PEX5L: variants seen among roughly 807,000 people sequenced by gnomAD.
The protein encoded by PEX5L is peroxisomal biogenesis factor 5 like.
Under a neutral mutation model 84.0 loss-of-function variants are expected in PEX5L, and 30 were observed. The observed-to-expected ratio is 0.36, with a 90% CI of 0.27 to 0.48. The LOEUF is 0.48. Ranked by LOEUF, PEX5L falls within the 20% of genes least tolerant of loss-of-function variation. The pLI is 0.99. For missense variants in PEX5L, 533 were observed against 754.6 expected, an observed-to-expected ratio of 0.71 and a Z score of 3.44; for synonymous variants, 270 against 283.1, an observed-to-expected ratio of 0.95 and a Z score of 0.46.
chr3:179,959,316 A>G (rs7641713), intron 2 of PEX5L, among the ~76,000 whole-genome samples: 3,467 of 152,216 alleles, frequency 0.023, 129 homozygotes, highest in African/African-American at 0.076. Context: ...GAAATAACGC[A>G]CATCTTAGTT....
chr3:179,890,026 T>C (rs1463238191), intron 3 of PEX5L, among the ~76,000 whole-genome samples: 2 of 152,220 alleles, frequency 1.3e-5, no homozygotes, highest in African/African-American at 4.8e-5. Flanking sequence ...AGAATCTGTA[T>C]CTCATTTGTA....
chr3:179,983,178 T>C (rs1786495668), intron 1 of PEX5L, among the ~76,000 whole-genome samples: 1 of 151,980 alleles, frequency 6.6e-6, no homozygotes, highest in Admixed American at 6.6e-5. Context: ...AGTATACCAA[T>C]ATATACATAT....
chr3:179,853,624 G>A (rs976097059), intron 8 of PEX5L, among the ~76,000 whole-genome samples: 8 of 152,282 alleles, frequency 5.3e-5, no homozygotes, highest in African/African-American at 1.9e-4. Context: ...AATCCAGGGG[G>A]AAGCATAGAG....
At chr3:179,945,114 G>T (rs1161261491) in intron 2 of PEX5L, among the ~76,000 whole-genome samples, 1 of 152,128 alleles carries the variant, frequency 6.6e-6, no homozygotes, top group Non-Finnish European at 1.5e-5. Flanking sequence ...TTTGCAATTG[G>T]TTCCCTTGTT....
intron 2 of PEX5L, among the ~76,000 whole-genome samples, chr3:179,952,535 C>A (rs181072770): frequency 2.0e-5 from 3 of 152,092 alleles, no homozygotes; most frequent in Non-Finnish European, 4.4e-5. Context: ...CAGCATACAT[C>A]GTATCTATTC....
intron 2 of PEX5L, among the ~76,000 whole-genome samples, chr3:179,913,061 G>C (rs1765726653): frequency 6.6e-6 from 1 of 152,060 alleles, no homozygotes; most frequent in African/African-American, 2.4e-5. Context: ...AGTAAGAAAA[G>C]GTGTTTTGTT....
At chr3:179,918,185 G>T (rs995869723) in intron 2 of PEX5L, among the ~76,000 whole-genome samples, 1 of 152,170 alleles carries the variant, frequency 6.6e-6, no homozygotes, top group African/African-American at 2.4e-5. Context: ...TAGAAGCCAA[G>T]TTTGTGCATT....
chr3:180,007,990 T>C (rs563890981), intron 1 of PEX5L, among the ~76,000 whole-genome samples: 2 of 152,370 alleles, frequency 1.3e-5, no homozygotes, highest in South Asian at 4.1e-4. Flanking sequence ...GGCTCCTTGC[T>C]ACTTATTCAA....
chr3:180,036,806 GA>G lies in PEX5L; in HGVS notation c.-208del. Reference sequence around the variant, plus strand: ...GGAACTGTTCTCCGCTCGGGGTGCTGAAAGCGGACGCGGGAGAGCGCGCAGA... The same window carrying G: ...GGAACTGTTCTCCGCTCGGGGTGCTGAAGCGGACGCGGGAGAGCGCGCAGA... On this transcript the variant is annotated 5_prime_UTR_variant, in exon 1 of 15. Coordinates refer to ENST00000467460, the MANE Select transcript of PEX5L (RefSeq NM_016559.3). 1.7e-6 allele frequency: 1 copy of G among 587,922 alleles called. No homozygotes were observed. The highest frequency in any genetic ancestry group is 3.1e-6 in the Non-Finnish European group (1 of 324,638). 36.4% of individuals were successfully genotyped at this position (587,922 alleles called of 1,614,324 possible). A position where few individuals can be genotyped will look rare whatever the true frequency, so the allele number is the denominator to read the frequency against.
At chr3:179,968,725 GTGTGTGTC>G (rs796954533) in intron 2 of PEX5L, among the ~76,000 whole-genome samples, 1,951 of 135,700 alleles carry the variant, frequency 0.014, 32 homozygotes, top group African/African-American at 0.045. Context: ...GTGTGTGTCT[GTGTGTGTC>G]TGTGTGTCTG....
chr3:179,990,619 T>C (rs1274271307), intron 1 of PEX5L, among the ~76,000 whole-genome samples: 1 of 152,112 alleles, frequency 6.6e-6, no homozygotes, highest in Non-Finnish European at 1.5e-5. Flanking sequence ...CCCAGGCTGG[T>C]CTTGAACTCC....
chr3:179,844,345 T>C (rs1162233410), intron 8 of PEX5L, among the ~76,000 whole-genome samples: 1 of 152,234 alleles, frequency 6.6e-6, no homozygotes, highest in Non-Finnish European at 1.5e-5. Context: ...CATATTGTAT[T>C]ATTGCCACCT....
intron 1 of PEX5L, among the ~76,000 whole-genome samples, chr3:179,974,490 T>A (rs6784636): frequency 0.4 from 60,950 of 151,920 alleles, 12,866 homozygotes; most frequent in East Asian, 0.75. Context: ...AATGGTGAGG[T>A]CCTAAGGCGG....
intron 8 of PEX5L, among the ~76,000 whole-genome samples, chr3:179,823,899 A>AT (rs142435982): frequency 1.1e-4 from 16 of 151,408 alleles, no homozygotes; most frequent in East Asian, 5.8e-4. Context: ...ACAGAATCAC[A>AT]TTTTTTTTTA....
intron 2 of PEX5L, among the ~76,000 whole-genome samples, chr3:179,941,597 C>T (rs973486726): frequency 1.3e-5 from 2 of 152,128 alleles, no homozygotes; most frequent in African/African-American, 2.4e-5. Context: ...TGAATTTGAA[C>T]GCCAGTCTGT....
chr3:179,886,859 T>G (rs1756028718), intron 4 of PEX5L, among the ~76,000 whole-genome samples: 1 of 152,342 alleles, frequency 6.6e-6, no homozygotes, highest in East Asian at 1.9e-4. Flanking sequence ...AGACAGTATG[T>G]GATTATCCTT....
intron 4 of PEX5L, among the ~76,000 whole-genome samples, chr3:179,886,510 T>C (rs1327718859): frequency 6.6e-6 from 1 of 152,194 alleles, no homozygotes; most frequent in Non-Finnish European, 1.5e-5. Context: ...GGTGTTAAGC[T>C]TTTTCATGGA....
chr3:179,897,431 C>T (rs1159630182), intron 3 of PEX5L, among the ~76,000 whole-genome samples: 1 of 151,896 alleles, frequency 6.6e-6, no homozygotes, highest in African/African-American at 2.4e-5. Flanking sequence ...TTCAAAAGTC[C>T]CCGAGGACAT....
At chr3:179,969,788 G>A (rs1784287978) in intron 2 of PEX5L, among the ~76,000 whole-genome samples, 3 of 152,072 alleles carry the variant, frequency 2.0e-5, no homozygotes, top group Admixed American at 6.6e-5. Context: ...TGGAAGAAAT[G>A]TGATAACTAC....
Sources: allele counts gnomAD v4.1 joint callset (sites outside exome capture counted in the v4.1 genomes callset), GRCh38; gene constraint gnomAD v4.1.1; transcripts MANE v1.5; gene names NCBI Gene and HGNC (gene_info 2026-07-23, HGNC 2026-07-21).